PAPSS1: variants seen among roughly 807,000 people sequenced by gnomAD.
PAPSS1 encodes the protein 3'-phosphoadenosine 5'-phosphosulfate synthase 1.
Under a neutral mutation model 72.0 loss-of-function variants are expected in PAPSS1, and 50 were observed. The observed-to-expected ratio is 0.69, with a 90% CI of 0.55 to 0.88. The LOEUF is 0.88. PAPSS1 is among the 40% of genes least tolerant of loss of function. The pLI is 0.00. For synonymous variants in PAPSS1, 261 were observed against 263.6 expected (o/e 0.99, Z 0.09); for missense variants, 657 against 782.2 (o/e 0.84, Z 1.91).
At chr4:107,711,693 T>C (rs572703917) in intron 1 of PAPSS1, among the ~76,000 whole-genome samples, 2 of 152,332 alleles carry the variant, frequency 1.3e-5, no homozygotes, top group Admixed American at 1.3e-4. Context: ...TGGATGAAAC[T>C]GTAGAGATCG....
intron 5 of PAPSS1, among the ~76,000 whole-genome samples, chr4:107,677,649 C>A (rs1004875757): frequency 2.6e-4 from 40 of 152,284 alleles, no homozygotes; most frequent in African/African-American, 9.6e-4. Context: ...GGATCTAGAA[C>A]TAGAAATACC....
rs555188481 is a variant in PAPSS1 at position 107,686,935 on chromosome 4, T to G, written c.550+104A>C. 3.9e-5 allele frequency: 35 copies of G among 907,034 alleles called. No individual in the cohort carries two copies. In the African/African-American group the frequency reaches 5.4e-4, roughly 14 times the overall value. 56.2% of individuals were successfully genotyped at this position (907,034 alleles called of 1,614,324 possible). A position where few individuals can be genotyped will look rare whatever the true frequency, so the allele number is the denominator to read the frequency against. ...AGACTACATTCTCTCCTCAAGGAGCTCCAAGTCACTCTAACACTTCCAATC... is the reference window on the plus strand; with the variant it reads ...AGACTACATTCTCTCCTCAAGGAGCGCCAAGTCACTCTAACACTTCCAATC... On this transcript the variant is annotated intron_variant, in intron 4 of 11. Coordinates refer to ENST00000265174, the MANE Select transcript of PAPSS1 (RefSeq NM_005443.5).
At chr4:107,673,639 G>C (rs1319151642) in intron 5 of PAPSS1, among the ~76,000 whole-genome samples, 1 of 152,140 alleles carries the variant, frequency 6.6e-6, no homozygotes, top group African/African-American at 2.4e-5. Flanking sequence ...TATTATCCAG[G>C]AGAACTTCCC....
chr4:107,719,262 G>A (rs906195171), intron 1 of PAPSS1, among the ~76,000 whole-genome samples: 1 of 147,260 alleles, frequency 6.8e-6, no homozygotes, highest in African/African-American at 2.5e-5. Flanking sequence ...TTATTCCATT[G>A]GACTGTGAAA....
intron 10 of PAPSS1, among the ~76,000 whole-genome samples, chr4:107,633,187 G>A (rs1157556206): frequency 1.3e-5 from 2 of 152,194 alleles, no homozygotes; most frequent in Non-Finnish European, 2.9e-5. Context: ...AGTATTTAAT[G>A]AGGTTCTTAT....
intron 1 of PAPSS1, among the ~76,000 whole-genome samples, chr4:107,713,785 T>C (rs1394834395): frequency 7.1e-6 from 1 of 140,618 alleles, no homozygotes; most frequent in Non-Finnish European, 1.6e-5. Context: ...AAAAAAAATA[T>C]GAAAGACAAA....
intron 9 of PAPSS1, among the ~76,000 whole-genome samples, chr4:107,650,520 G>A (rs1468006516): frequency 1.3e-5 from 2 of 152,130 alleles, no homozygotes; most frequent in African/African-American, 2.4e-5. Flanking sequence ...ATCAGTTCCA[G>A]ATATGAATTC....
At chr4:107,633,748 T>C (rs1359951978) in intron 10 of PAPSS1, among the ~76,000 whole-genome samples, 2 of 151,784 alleles carry the variant, frequency 1.3e-5, no homozygotes, top group African/African-American at 2.4e-5. Context: ...TGAAACCCCA[T>C]CTCTACTAAA....
At chr4:107,623,148 T>C (rs1238055766) in intron 11 of PAPSS1, among the ~76,000 whole-genome samples, 1 of 152,202 alleles carries the variant, frequency 6.6e-6, no homozygotes, top group Non-Finnish European at 1.5e-5. Context: ...TTATAACTTT[T>C]ATGTTCCATG....
intron 1 of PAPSS1, among the ~76,000 whole-genome samples, chr4:107,712,807 A>C (rs985428427): frequency 1.1e-4 from 16 of 150,452 alleles, no homozygotes; most frequent in Non-Finnish European, 1.9e-4. Context: ...AGGGATGCGG[A>C]GGTTGCAGCG....
Position 107,663,382 on chromosome 4 carries a change from A to AG in PAPSS1, c.670-3311dup, listed in dbSNP as rs561231382. Among the ~76,000 whole-genome samples, 6 of 152,336 alleles carry AG rather than the reference A, an allele frequency of 3.9e-5. No homozygotes were observed. In the East Asian group the frequency reaches 7.7e-4, roughly 20 times the overall value. On this transcript the variant is annotated intron_variant, in intron 5 of 11. Coordinates refer to ENST00000265174, the MANE Select transcript of PAPSS1 (RefSeq NM_005443.5). ...GTGTCTCCCCAGTTGTTTAAAAAAA[A>AG]GTACAAAAAAGATACACACATATAT...
intron 10 of PAPSS1, among the ~76,000 whole-genome samples, chr4:107,635,854 A>G (rs1404598793): frequency 1.3e-5 from 2 of 152,196 alleles, no homozygotes; most frequent in Non-Finnish European, 2.9e-5. Flanking sequence ...ATAGCACAAC[A>G]GTTGCATTTT....
intron 7 of PAPSS1, 65 bp from the exon 8 acceptor site, chr4:107,654,965 C>G: frequency 8.5e-7 from 1 of 1,176,290 alleles, no homozygotes; most frequent in Non-Finnish European, 1.2e-6. Flanking sequence ...ACTTAACACC[C>G]ACCTTTCACT....
intron 11 of PAPSS1, among the ~76,000 whole-genome samples, chr4:107,622,501 A>G (rs1725991208): frequency 6.6e-6 from 1 of 152,170 alleles, no homozygotes; most frequent in Non-Finnish European, 1.5e-5. Flanking sequence ...TAAGCTTCTC[A>G]CCTCCCTACA....
intron 5 of PAPSS1, among the ~76,000 whole-genome samples, chr4:107,677,870 G>T (rs1022509790): frequency 1.3e-5 from 2 of 152,328 alleles, no homozygotes; most frequent in African/African-American, 4.8e-5. Flanking sequence ...AAGATGATGA[G>T]TTCATGTCCT....
chr4:107,657,127 T>C (rs558110008), intron 6 of PAPSS1, 120 bp from the exon 7 acceptor site: 3 of 667,878 alleles, frequency 4.5e-6, no homozygotes, highest in East Asian at 2.6e-5. Context: ...AGGATGAGTA[T>C]AGATTATACC....
At chr4:107,636,034 A>AG (rs1331784730) in intron 10 of PAPSS1, among the ~76,000 whole-genome samples, 1 of 152,228 alleles carries the variant, frequency 6.6e-6, no homozygotes, top group African/African-American at 2.4e-5. Context: ...CTTTTTAAAC[A>AG]GTATTATACT....
At chr4:107,639,846 C>G (rs1165284480) in intron 10 of PAPSS1, among the ~76,000 whole-genome samples, 2 of 152,200 alleles carry the variant, frequency 1.3e-5, no homozygotes, top group Admixed American at 1.3e-4. Flanking sequence ...ACTAATTAAA[C>G]AAGCACACTG....
chr4:107,634,398 T>A (rs1408747966), intron 10 of PAPSS1, among the ~76,000 whole-genome samples: 6 of 152,162 alleles, frequency 3.9e-5, no homozygotes, highest in Non-Finnish European at 7.3e-5. Context: ...TGACAAGGCA[T>A]CACGTACCAC....
Sources: gnomAD v4.1 joint callset for allele counts (sites outside exome capture counted in the v4.1 genomes callset) on GRCh38, gnomAD v4.1.1 for gene constraint, MANE v1.5 for transcripts, NCBI Gene and HGNC (gene_info 2026-07-23, HGNC 2026-07-21) for gene names.